Variants in IFT81 observed in about 807,000 individuals in gnomAD.
IFT81 encodes the protein intraflagellar transport protein 81 homolog.
Under a neutral mutation model 102.6 loss-of-function variants are expected in IFT81, and 72 were observed. The observed-to-expected ratio is 0.70, with a 90% CI of 0.58 to 0.85. IFT81 has a LOEUF of 0.85. Ranked by LOEUF, IFT81 falls within the 40% of genes least tolerant of loss-of-function variation. IFT81 has a pLI of 0.00. For missense variants in IFT81, 723 were observed against 787.3 expected (o/e 0.92, Z 0.98); for synonymous variants, 237 against 242.7 (o/e 0.98, Z 0.22).
chr12:110,192,945 A>C (rs959568461), intron 14 of IFT81, among the ~76,000 whole-genome samples: 2 of 152,136 alleles, frequency 1.3e-5, no homozygotes, highest in East Asian at 1.9e-4. Context: ...GAGGATGATC[A>C]CTTGAGCCCA....
chr12:110,144,951 C>T (rs1321508725), intron 9 of IFT81, among the ~76,000 whole-genome samples: 1 of 149,178 alleles, frequency 6.7e-6, no homozygotes, highest in Non-Finnish European at 1.5e-5. Context: ...CTGCAACCTC[C>T]ACCTTCTGGG....
At chr12:110,176,409 A>G (rs1032898639) in intron 11 of IFT81, among the ~76,000 whole-genome samples, 1 of 152,254 alleles carries the variant, frequency 6.6e-6, no homozygotes, top group East Asian at 1.9e-4. Flanking sequence ...AAGGAGGGCA[A>G]TTTTTACTCT....
chr12:110,192,236 T>C (rs1233669916), intron 13 of IFT81, among the ~76,000 whole-genome samples: 1 of 152,132 alleles, frequency 6.6e-6, no homozygotes, highest in Non-Finnish European at 1.5e-5. Flanking sequence ...TCATTACTTA[T>C]GCTATTTGGA....
chr12:110,176,225 C>G (rs1006522748), intron 11 of IFT81, among the ~76,000 whole-genome samples: 2 of 152,176 alleles, frequency 1.3e-5, no homozygotes, highest in African/African-American at 4.8e-5. Flanking sequence ...CCTCCTGGTC[C>G]ACACTTCTGA....
At chr12:110,185,158 C>G (rs1055325434) in intron 12 of IFT81, among the ~76,000 whole-genome samples, 7 of 152,126 alleles carry the variant, frequency 4.6e-5, no homozygotes, top group African/African-American at 1.7e-4. Flanking sequence ...ATGATATACA[C>G]CCTTGACTGA....
chr12:110,210,972 C>T (rs1190854511), intron 18 of IFT81, among the ~76,000 whole-genome samples: 1 of 148,762 alleles, frequency 6.7e-6, no homozygotes, highest in Non-Finnish European at 1.5e-5. Context: ...CCTCCCACCT[C>T]AGCCTCCTGA....
intron 14 of IFT81, among the ~76,000 whole-genome samples, chr12:110,196,553 TA>T (rs1036683443): frequency 6.6e-6 from 1 of 151,950 alleles, no homozygotes; most frequent in Non-Finnish European, 1.5e-5. Context: ...TCTTCCTGGT[TA>T]AAAAACAAAA....
intron 9 of IFT81, 139 bp downstream of exon 9, chr12:110,143,684 A>T: frequency 8.4e-6 from 5 of 597,704 alleles, no homozygotes; most frequent in Non-Finnish European, 1.4e-5. Context: ...TCTTATGAGG[A>T]ATTGTCCTTT....
chr12:110,164,775 G>C (rs2137448637), intron 11 of IFT81, among the ~76,000 whole-genome samples: 1 of 152,260 alleles, frequency 6.6e-6, no homozygotes, highest in South Asian at 2.1e-4. Context: ...TGTTTTAAAT[G>C]ATATCTGGAA....
chr12:110,218,658 C>T lies in IFT81; in HGVS notation c.*432C>T, dbSNP rs1210261235. On this transcript the variant is annotated 3_prime_UTR_variant, in exon 19 of 19. Transcript: ENST00000242591. ...AACATTTATCTGACGTTCAGCAGTT[C>T]CTACAGTTTTACTTCAGTTTATTTT... The T allele has an allele frequency of 2.6e-5, 4 of 152,574 alleles. No individual in the cohort carries two copies. Among genetic ancestry groups the T allele is most frequent in the Admixed American group, 2.6e-4 (4 of 15,284 alleles). The allele number at this position is 152,574 out of a possible 1,614,324, so 9.5% of individuals were successfully genotyped here.
intron 8 of IFT81, among the ~76,000 whole-genome samples, chr12:110,139,861 T>TAA (rs1894772142): frequency 8.2e-6 from 1 of 122,102 alleles, no homozygotes; most frequent in African/African-American, 3.3e-5. Flanking sequence ...TAAAATAAAA[T>TAA]AAAATATAAA....
chr12:110,194,069 T>G (rs148879808), intron 14 of IFT81, among the ~76,000 whole-genome samples: 2 of 152,110 alleles, frequency 1.3e-5, no homozygotes, highest in Non-Finnish European at 2.9e-5. Context: ...CTCACACTTT[T>G]AAACAACGAG....
At position 110,128,064 on chromosome 12, in the gene IFT81, G is replaced by T. The variant is rs753731790; in HGVS notation, c.163G>T (p.Glu55Ter). The change falls in exon 3 of 19, where the codon GAG (glutamate) becomes TAG (stop). Residue 55 changes from glutamate to a stop codon, truncating the protein, a stop_gained. Transcript: ENST00000242591. LOFTEE classifies it high-confidence loss of function. ...TTGTTAGCAACTTGTGGATATCAGA[G>T]AGGAGATGCCAGAGCAGACAGCCAA... ...IDPKQLVDIR[E>*]EMPEQTAKRM... The T allele has an allele frequency of 1.2e-6, 2 of 1,612,542 alleles. No individual in the cohort carries two copies. The highest frequency in any genetic ancestry group is 4.5e-5 in the East Asian group (2 of 44,866).
intron 11 of IFT81, among the ~76,000 whole-genome samples, chr12:110,179,753 T>TAC (rs1897221021): frequency 1.9e-5 from 1 of 52,460 alleles, no homozygotes; most frequent in Non-Finnish European, 3.3e-5. Context: ...TATATATATA[T>TAC]ATATATATAT....
At chr12:110,194,104 CA>C (rs1897906155) in intron 14 of IFT81, among the ~76,000 whole-genome samples, 1 of 152,156 alleles carries the variant, frequency 6.6e-6, no homozygotes, top group Non-Finnish European at 1.5e-5. Flanking sequence ...CACTCACTAT[CA>C]TGAAAACAGC....
intron 12 of IFT81, 33 bp from the exon 13 acceptor site, chr12:110,190,887 A>G: frequency 6.9e-7 from 1 of 1,458,866 alleles, no homozygotes; most frequent in Non-Finnish European, 9.1e-7. Flanking sequence ...AGATTTTGAC[A>G]TGTTTTGTGG....
chr12:110,216,222 G>T (rs936379031), intron 18 of IFT81, among the ~76,000 whole-genome samples: 1 of 151,586 alleles, frequency 6.6e-6, no homozygotes, highest in Non-Finnish European at 1.5e-5. Context: ...ACAGGATCTC[G>T]CTCTGTTGCC....
chr12:110,146,554 A>G (rs982591858), intron 9 of IFT81, among the ~76,000 whole-genome samples: 1 of 152,252 alleles, frequency 6.6e-6, no homozygotes, highest in Non-Finnish European at 1.5e-5. Context: ...TTAAATCTAT[A>G]TAAGTAATCA....
chr12:110,168,234 CAT>C (rs1168386407), intron 11 of IFT81: 1 of 152,282 alleles, frequency 6.6e-6, no homozygotes, highest in African/African-American at 2.4e-5. Context: ...CCTGACACCC[CAT>C]TGCTAGTAAG....
Sources: allele counts gnomAD v4.1 joint callset (sites outside exome capture counted in the v4.1 genomes callset), GRCh38; gene constraint gnomAD v4.1.1; transcripts MANE v1.5; gene names NCBI Gene and HGNC (gene_info 2026-07-23, HGNC 2026-07-21).